The following RPH3A variants were observed in gnomAD, a reference collection of about 807,000 sequenced individuals.
RPH3A encodes rabphilin-3A.
A neutral mutation model predicts 102.2 loss-of-function variants in RPH3A; 48 were observed. The observed-to-expected ratio is 0.47, with a 90% CI of 0.37 to 0.60. RPH3A has a LOEUF of 0.60. RPH3A is among the 20% of genes least tolerant of loss of function. The pLI, the probability that RPH3A is intolerant of heterozygous loss-of-function variation, is 0.00. For missense variants in RPH3A, 781 were observed against 910.1 expected, an observed-to-expected ratio of 0.86 and a Z score of 1.83; for synonymous variants, 310 against 324.3, an observed-to-expected ratio of 0.96 and a Z score of 0.47.
At chr12:112,831,884 T>C (rs1292174613) in intron 3 of RPH3A, 1 of 455,020 alleles carries the variant, frequency 2.2e-6, no homozygotes, top group African/African-American at 2.0e-5. Context: ...TTCTGTAGTA[T>C]GATGTGCTTA....
chr12:112,667,692 G>T (rs1008224046), intron 1 of RPH3A, among the ~76,000 whole-genome samples: 1 of 150,278 alleles, frequency 6.7e-6, no homozygotes, highest in Non-Finnish European at 1.5e-5. Context: ...GAGAGAGAGA[G>T]AGAGAGAGAG....
intron 1 of RPH3A, among the ~76,000 whole-genome samples, chr12:112,641,288 A>T (rs2039888003): frequency 6.6e-6 from 1 of 152,244 alleles, no homozygotes. Flanking sequence ...CTATCTCAGG[A>T]TCCTAGCTAT....
At chr12:112,661,497 A>G (rs970962632) in intron 1 of RPH3A, among the ~76,000 whole-genome samples, 1 of 152,204 alleles carries the variant, frequency 6.6e-6, no homozygotes, top group African/African-American at 2.4e-5. Flanking sequence ...AGTGGTTGGT[A>G]AATGTGCACC....
chr12:112,853,879 T>C (rs938192279), intron 5 of RPH3A, among the ~76,000 whole-genome samples: 2 of 151,910 alleles, frequency 1.3e-5, no homozygotes, highest in Admixed American at 6.6e-5. Flanking sequence ...ATTAGCTCGA[T>C]GCCTGCCATA....
chr12:112,612,394 G>T (rs1450377543), intron 1 of RPH3A, among the ~76,000 whole-genome samples: 1 of 152,046 alleles, frequency 6.6e-6, no homozygotes, highest in Non-Finnish European at 1.5e-5. Context: ...TAGAAAACTT[G>T]CAATGGTTTT....
chr12:112,588,667 C>T (rs184220455), intron 1 of RPH3A, among the ~76,000 whole-genome samples: 4 of 152,310 alleles, frequency 2.6e-5, no homozygotes, highest in African/African-American at 7.2e-5. Context: ...CCTCCTGCCT[C>T]GCTCTTTCTC....
chr12:112,631,007 G>A (rs2039799977), intron 1 of RPH3A, among the ~76,000 whole-genome samples: 1 of 152,240 alleles, frequency 6.6e-6, no homozygotes. Context: ...TGGGGATGAG[G>A]AGAAAATATT....
intron 4 of RPH3A, among the ~76,000 whole-genome samples, chr12:112,847,000 C>T (rs185356617): frequency 5.3e-5 from 8 of 152,230 alleles, no homozygotes; most frequent in Admixed American, 5.2e-4. Context: ...AATAGGGACA[C>T]AAACAGCCCC....
In RPH3A at chr12:112,675,301, C is replaced by T. The variant is rs572214453; in HGVS notation, c.-140+99982C>T. On this transcript the variant is annotated intron_variant, in intron 1 of 21. Transcript: ENST00000543106. ...ACATCTCTTGGAGGTTCACAAAGGA[C>T]CAAAAATGCTAGAACAAGTGCTAGA... 2.0e-5 allele frequency among the ~76,000 whole-genome samples: 3 copies of T among 152,146 alleles called. No individual in the cohort carries two copies. The South Asian group carries it at 6.2e-4, about 32-fold the overall frequency.
At chr12:112,659,198 C>T (rs1372045282) in intron 1 of RPH3A, among the ~76,000 whole-genome samples, 1 of 152,170 alleles carries the variant, frequency 6.6e-6, no homozygotes, top group Non-Finnish European at 1.5e-5. Context: ...TACAACCATC[C>T]TAACCAAGAA....
At chr12:112,625,078 T>G in intron 1 of RPH3A, among the ~76,000 whole-genome samples, 1 of 110,690 alleles carries the variant, frequency 9.0e-6, no homozygotes, top group Non-Finnish European at 1.7e-5. Flanking sequence ...GAGCTATCTA[T>G]GACAAACCCA....
In RPH3A at chr12:112,889,751, C is replaced by T. The variant is rs889002195; in HGVS notation, c.1564-273C>T. On this transcript the variant is annotated intron_variant, in intron 17 of 21. Coordinates refer to ENST00000389385, the MANE Select transcript of RPH3A (RefSeq NM_001143854.2). ...TGGCTGTGTGACCTTGGGTAAGGGG[C>T]TTAACTACTCGGACCCTCAGCATCC... Among the ~76,000 whole-genome samples, 19 of 152,306 alleles carry T rather than the reference C, an allele frequency of 1.2e-4. No individual in the cohort carries two copies. The East Asian group carries it at 2.3e-3, about 19-fold the overall frequency.
chr12:112,778,097 A>T (rs575854928), intron 1 of RPH3A, among the ~76,000 whole-genome samples: 137 of 152,346 alleles, frequency 9.0e-4, no homozygotes, highest in African/African-American at 3.2e-3. Flanking sequence ...AAAAGAAGGG[A>T]AACACCTTCT....
intron 1 of RPH3A, among the ~76,000 whole-genome samples, chr12:112,608,731 A>C (rs2039617226): frequency 6.6e-6 from 1 of 152,216 alleles, no homozygotes; most frequent in Non-Finnish European, 1.5e-5. Flanking sequence ...GGAGGCAGAC[A>C]CACTATTCTT....
chr12:112,730,095 G>A (rs1281462153), intron 1 of RPH3A, among the ~76,000 whole-genome samples: 1 of 152,212 alleles, frequency 6.6e-6, no homozygotes, highest in Non-Finnish European at 1.5e-5. Flanking sequence ...AGGAATGCCA[G>A]TGATTTCTGG....
At chr12:112,785,912 A>C (rs1478623472) in intron 1 of RPH3A, among the ~76,000 whole-genome samples, 1 of 152,222 alleles carries the variant, frequency 6.6e-6, no homozygotes, top group African/African-American at 2.4e-5. Flanking sequence ...CTGGATAAGC[A>C]CACAGTAGAA....
Position 112,894,639 on chromosome 12 carries a change from T to C in RPH3A, c.1837T>C (p.Leu613=), listed in dbSNP as rs1473392848. 3.1e-6 allele frequency: 5 copies of C among 1,613,762 alleles called. No individual in the cohort carries two copies. Among genetic ancestry groups the C allele is most frequent in the African/African-American group, 1.3e-5 (1 of 74,902 alleles). The part of the protein sequence containing the change: ...KHKTQIKKKT[L]NPEFNEEFFY... ...CAAGACTCAAATTAAAAAGAAAACC[T>C]TGAATCCCGAATTCAATGAGGTAAG... Residue 613 remains leucine (L), a synonymous_variant, in exon 20 of 22, where the codon TTG becomes CTG. Transcript: ENST00000389385.
At chr12:112,661,153 A>ACCCATGGG (rs1484550788) in intron 1 of RPH3A, among the ~76,000 whole-genome samples, 2 of 152,086 alleles carry the variant, frequency 1.3e-5, no homozygotes, top group Non-Finnish European at 2.9e-5. Flanking sequence ...CGGGTCCCTG[A>ACCCATGGG]GCCTCAGACC....
rs190151880 is a variant in RPH3A at position 112,700,226 on chromosome 12, C to T, written c.-139-91917C>T. 2.8e-3 allele frequency among the ~76,000 whole-genome samples: 431 copies of T among 152,268 alleles called. 2 individuals are homozygous for T. Among genetic ancestry groups the T allele is most frequent in the African/African-American group, 9.8e-3 (407 of 41,564 alleles). ...CTGGGATTACAGGCATGCACAACCA[C>T]TCCCAGCTAATTTTGTATTTTTAGG... On this transcript the variant is annotated intron_variant, in intron 1 of 21. Coordinates refer to the RPH3A transcript ENST00000543106.
Sources: gnomAD v4.1 joint callset for allele counts (sites outside exome capture counted in the v4.1 genomes callset) on GRCh38, gnomAD v4.1.1 for gene constraint, MANE v1.5 for transcripts, NCBI Gene and HGNC (gene_info 2026-07-23, HGNC 2026-07-21) for gene names.